The following VPS37B variants were observed in gnomAD, a reference collection of about 807,000 sequenced individuals.
VPS37B encodes the protein vacuolar protein sorting-associated protein 37B.
A neutral mutation model predicts 21.2 loss-of-function variants in VPS37B; 11 were observed. That is an observed-to-expected ratio of 0.52 (90% confidence interval 0.33 to 0.86). VPS37B has a LOEUF of 0.86. VPS37B is among the 40% of genes least tolerant of loss of function. The pLI, the probability that VPS37B is intolerant of heterozygous loss-of-function variation, is 0.03. For synonymous variants in VPS37B, 175 were observed against 159.6 expected, an observed-to-expected ratio of 1.10 and a Z score of -0.73; for missense variants, 389 against 374.8, an observed-to-expected ratio of 1.04 and a Z score of -0.31.
At chr12:122,893,561 T>C (rs1164685335) in intron 1 of VPS37B, among the ~76,000 whole-genome samples, 1 of 152,160 alleles carries the variant, frequency 6.6e-6, no homozygotes, top group Non-Finnish European at 1.5e-5. Flanking sequence ...GAAACTACCA[T>C]GACCAAAAAT....
rs1310409622 is a variant in VPS37B, at chr12:122,870,780, A to G, written c.283+110T>C. 11 of 1,160,820 alleles carry G rather than the reference A, an allele frequency of 9.5e-6. No homozygotes were observed. The East Asian group carries it at 2.5e-4, about 26-fold the overall frequency. The allele number at this position is 1,160,820 out of a possible 1,614,324, so 71.9% of individuals were successfully genotyped here. A position where few individuals can be genotyped will look rare whatever the true frequency, so the allele number is the denominator to read the frequency against. ...ATTTGTTCATTGCAGTAGAGTCGCT[A>G]TCTTAACCTGAAATTTTTCCGTAAT... On this transcript the variant is annotated intron_variant, in intron 2 of 3. Coordinates refer to ENST00000267202, the MANE Select transcript of VPS37B (RefSeq NM_024667.3).
At position 122,868,930 on chromosome 12, in the gene VPS37B, A is replaced by G. The variant is rs1566123197; in HGVS notation, c.284-368T>C. Among the ~76,000 whole-genome samples, 1 of 152,124 alleles carries G rather than the reference A, an allele frequency of 6.6e-6. No homozygotes were observed. The highest frequency in any genetic ancestry group is 1.5e-5 in the Non-Finnish European group (1 of 68,008). On this transcript the variant is annotated intron_variant, in intron 2 of 3. Transcript: ENST00000267202. The surrounding 1 kb of genome is among the most constrained non-coding windows in gnomAD (Gnocchi z 5.5). ...ACCACCACCCCCCAGATCCAGACAC[A>G]GAACCTTTCCACCGGGCGCCCTCAC...
chr12:122,887,493 T>A (rs1335124130), intron 1 of VPS37B: 3 of 152,380 alleles, frequency 2.0e-5, no homozygotes, highest in Admixed American at 6.5e-5. Context: ...CCCGGCTTCT[T>A]CCCTAAGTGC....
chr12:122,870,958 C>A lies in VPS37B; in HGVS notation c.215G>T (p.Arg72Leu). 2 of 1,614,186 alleles carry A rather than the reference C, an allele frequency of 1.2e-6. No homozygotes were observed. The highest frequency in any genetic ancestry group is 2.2e-5 in the East Asian group (1 of 44,884). Residue 72 changes from arginine to leucine, a missense_variant, in exon 2 of 4, where the codon CGC becomes CTC. Physicochemically the swap from Arg to Leu is moderately radical, Grantham distance 102. Transcript: ENST00000267202. Reference sequence around the variant, plus strand: ...GAGTTCCTGGTATTTCTGGGTCAAGCGTGCTTTCAACGTGTCCAGCTGGGG... The same window carrying A: ...GAGTTCCTGGTATTTCTGGGTCAAGAGTGCTTTCAACGTGTCCAGCTGGGG... Reference protein sequence around the residue: ...YQPQLDTLKARLTQKYQELQV... With the variant: ...YQPQLDTLKALLTQKYQELQV...
intron 1 of VPS37B, chr12:122,881,822 T>A (rs7312620): frequency 6.6e-6 from 1 of 152,198 alleles, no homozygotes; most frequent in African/African-American, 2.4e-5. Flanking sequence ...AAACCTTTTA[T>A]AGAAGATACT....
At chr12:122,890,982 GC>G (rs1445320860) in intron 1 of VPS37B, among the ~76,000 whole-genome samples, 1 of 152,172 alleles carries the variant, frequency 6.6e-6, no homozygotes, top group Admixed American at 6.5e-5. Flanking sequence ...ACGCCTTTTA[GC>G]TAACAATAAC....
chr12:122,870,015 TTAAAA>T (rs1409698068), intron 2 of VPS37B: 7 of 149,220 alleles, frequency 4.7e-5, no homozygotes, highest in East Asian at 2.0e-4. Flanking sequence ...AAGTATGCCA[TTAAAA>T]TAAAGTGTTT....
At chr12:122,881,888 T>C (rs2135707226) in intron 1 of VPS37B, 1 of 152,364 alleles carries the variant, frequency 6.6e-6, no homozygotes, top group South Asian at 2.1e-4. Context: ...AACCGTCTCC[T>C]AGGTTCGACA....
intron 1 of VPS37B, chr12:122,883,839 A>AATT (rs1191164895): frequency 6.6e-6 from 1 of 152,248 alleles, no homozygotes; most frequent in Non-Finnish European, 1.5e-5. Context: ...TTGGACTTAT[A>AATT]ATGTGGATAA....
intron 2 of VPS37B, chr12:122,870,683 T>C (rs974279246): frequency 4.1e-6 from 2 of 486,438 alleles, no homozygotes; most frequent in Non-Finnish European, 7.1e-6. Flanking sequence ...TGAGCCATGG[T>C]TGCGCCACTG....
intron 1 of VPS37B, chr12:122,880,804 C>T (rs2034237201): frequency 6.6e-6 from 1 of 152,212 alleles, no homozygotes; most frequent in Non-Finnish European, 1.5e-5. Context: ...TTCGTTCATT[C>T]ATACAAGAAA....
chr12:122,873,840 C>A (rs1016375561), intron 1 of VPS37B: 1 of 152,236 alleles, frequency 6.6e-6, no homozygotes, highest in African/African-American at 2.4e-5. Context: ...TCTTTGGCAT[C>A]CCAAGCACTT....
At chr12:122,882,042 A>G (rs2034254507) in intron 1 of VPS37B, 1 of 152,174 alleles carries the variant, frequency 6.6e-6, no homozygotes, top group Admixed American at 6.5e-5. Flanking sequence ...ACAATGCCAT[A>G]ATCACATTTA....
chr12:122,873,998 T>C (rs1159942503), intron 1 of VPS37B: 6 of 152,204 alleles, frequency 3.9e-5, no homozygotes, highest in African/African-American at 1.4e-4. Context: ...CTAAGTTTGT[T>C]GAGAGCTAAG....
intron 1 of VPS37B, chr12:122,877,224 C>T (rs1374930693): frequency 6.6e-6 from 1 of 152,198 alleles, no homozygotes; most frequent in African/African-American, 2.4e-5. Flanking sequence ...TCCTTAATAG[C>T]ACCGGAAGTC....
intron 1 of VPS37B, chr12:122,880,213 A>G (rs539354155): frequency 6.6e-6 from 1 of 152,376 alleles, no homozygotes; most frequent in South Asian, 2.1e-4. Context: ...TCAAATTCAT[A>G]AACAGTAACG....
chr12:122,885,610 T>C (rs929909124), intron 1 of VPS37B: 1 of 151,928 alleles, frequency 6.6e-6, no homozygotes, highest in African/African-American at 2.4e-5. Flanking sequence ...ATGATGTGAT[T>C]ACACTTTTCT....
intron 1 of VPS37B, among the ~76,000 whole-genome samples, chr12:122,895,062 G>A (rs1158380908): frequency 2.0e-5 from 3 of 151,994 alleles, no homozygotes; most frequent in South Asian, 4.1e-4. Flanking sequence ...ACGAACTCCC[G>A]TAACTCTGCT....
intron 1 of VPS37B, chr12:122,883,089 A>T (rs187155725): frequency 6.6e-6 from 1 of 152,374 alleles, no homozygotes; most frequent in African/African-American, 2.4e-5. Context: ...CTCCAAGGCT[A>T]CAGCCCACTC....
Sources: gnomAD v4.1 joint callset for allele counts (sites outside exome capture counted in the v4.1 genomes callset) on GRCh38, gnomAD v4.1.1 for gene constraint, Gnocchi (gnomAD v3.1) non-coding constraint, MANE v1.5 for transcripts, NCBI Gene and HGNC (gene_info 2026-07-23, HGNC 2026-07-21) for gene names.